ST7L: variants seen among roughly 807,000 people sequenced by gnomAD.
The protein encoded by ST7L is suppressor of tumorigenicity 7 protein-like.
Under a neutral mutation model 72.5 loss-of-function variants are expected in ST7L, and 57 were observed. The ratio of observed to expected loss-of-function variants is 0.79; its 90% CI spans 0.64 to 0.98. The LOEUF is 0.98. Among genes scored for constraint, ST7L ranks in the 50% least tolerant of loss-of-function variants. ST7L has a pLI of 0.00. For synonymous variants in ST7L, 221 were observed against 240.9 expected (o/e 0.92, Z 0.77); for missense variants, 576 against 672.2 (o/e 0.86, Z 1.58).
In ST7L at chr1:112,589,644, A is replaced by T. The variant is rs1376595125; in HGVS notation, c.701+1881T>A. Among the ~76,000 whole-genome samples, 3 of 152,222 alleles carry T rather than the reference A, an allele frequency of 2.0e-5. No individual in the cohort carries two copies. The East Asian group carries it at 5.8e-4, about 29-fold the overall frequency. ...TGTGTGCTATTTTAGCCTCGTGGTC[A>T]GTTGGTGATTTGATAGAGGTTTCCT... is the stretch of plus-strand genomic sequence containing the variant. On this transcript the variant is annotated intron_variant, in intron 6 of 14. Transcript: ENST00000358039.
intron 14 of ST7L, among the ~76,000 whole-genome samples, chr1:112,530,640 C>G (rs1307546006): frequency 2.4e-4 from 36 of 152,136 alleles, no homozygotes; most frequent in Non-Finnish European, 2.9e-5. Flanking sequence ...GTCTCAAACT[C>G]CTGACCTCAG....
chr1:112,616,864 T>G lies in ST7L; in HGVS notation c.237A>C (p.Lys79Asn). The G allele has an allele frequency of 1.2e-6, 2 of 1,606,448 alleles. No homozygotes were observed. The highest frequency in any genetic ancestry group is 1.7e-6 in the Non-Finnish European group (2 of 1,177,742). Residue 79 changes from lysine to asparagine, a missense_variant, in exon 2 of 15, where the codon AAA becomes AAC. This residue lies in a region of ST7L where 511 missense variants were observed against 600.7 expected (regional missense o/e 0.85). Transcript: ENST00000358039. ...VTVFLNSLTP[K>N]FYVALTGTSS... The stretch of plus-strand genomic sequence containing the variant: ...AGGTCCCTGTAAGTGCCACATAGAA[T>G]TTGGGTGTCAATGAATTTAAAAATA...
rs924148389 is a variant in ST7L at position 112,560,107 on chromosome 1, T to A, written c.1246-4089A>T. Among the ~76,000 whole-genome samples the A allele has an allele frequency of 3.3e-5, 5 of 152,196 alleles. No homozygotes were observed. The East Asian group carries it at 7.7e-4, about 24-fold the overall frequency. On this transcript the variant is annotated intron_variant, in intron 11 of 14. Coordinates refer to ENST00000358039, the MANE Select transcript of ST7L (RefSeq NM_017744.5). Reference sequence around the variant, plus strand: ...CAATTTGACTTTAAAACAAAGCAATTTTTCGGGCCAGGCGCAGTGGTTCAC... The same window carrying A: ...CAATTTGACTTTAAAACAAAGCAATATTTCGGGCCAGGCGCAGTGGTTCAC...
Position 112,619,052 on chromosome 1 carries a change from G to T in ST7L, c.62C>A (p.Pro21His). 6.2e-7 allele frequency: 1 copy of T among 1,613,996 alleles called. No homozygotes were observed. The highest frequency in any genetic ancestry group is 8.5e-7 in the Non-Finnish European group (1 of 1,180,004). The change falls in exon 1 of 15, where the codon CCT (proline) becomes CAT (histidine). Residue 21 changes from proline to histidine, a missense_variant. Around this residue, in one of 3 missense-constraint regions of ST7L, gnomAD observed 56 missense variants for 45.8 expected, o/e 1.22. Transcript: ENST00000358039. ...CCAGCCTAGCGTCGGGTTTAGGCCA[G>T]GGACAGATGCAGGAGACGCTCCAAC... ...AAVGASPASV[P>H]GLNPTLGWRE...
chr1:112,550,801 G>C (rs1657990029), intron 12 of ST7L, 108 bp from the exon 13 acceptor site: 1 of 776,572 alleles, frequency 1.3e-6, no homozygotes, highest in South Asian at 1.8e-5. Flanking sequence ...TTTTTTTAGT[G>C]AGACATTTAG....
chr1:112,611,676 A>T (rs1215218024), intron 2 of ST7L, among the ~76,000 whole-genome samples: 1 of 152,192 alleles, frequency 6.6e-6, no homozygotes, highest in Non-Finnish European at 1.5e-5. Flanking sequence ...ACGGTGGTTC[A>T]CGTCTGTAAT....
Position 112,577,032 on chromosome 1 carries a change from A to T in ST7L, c.1199T>A (p.Val400Glu). 3.1e-6 allele frequency: 5 copies of T among 1,611,198 alleles called. No homozygotes were observed. Among genetic ancestry groups the T allele is most frequent in the Non-Finnish European group, 4.2e-6 (5 of 1,178,212 alleles). ...TTCCACAGCTCTATGAATTGCTTCC[A>T]CGGCATTAATTTCTGCTGTGCTTAA... ...RGLSTAEINA[V>E]EAIHRAVEFN... Residue 400 changes from valine to glutamate, a missense_variant, in exon 11 of 15, where the codon GTG becomes GAG. Around this residue, in one of 3 missense-constraint regions of ST7L, gnomAD observed 511 missense variants for 600.7 expected, o/e 0.85. Coordinates refer to ENST00000358039, the MANE Select transcript of ST7L (RefSeq NM_017744.5).
At chr1:112,581,866 C>G (rs149624373) in intron 9 of ST7L, 126 bp downstream of exon 9, 1 of 694,792 alleles carries the variant, frequency 1.4e-6, no homozygotes, top group East Asian at 2.8e-5. Flanking sequence ...AAATAGCAAC[C>G]TCTGAGTGCT....
At chr1:112,601,666 G>A (rs543062921) in intron 3 of ST7L, among the ~76,000 whole-genome samples, 1 of 152,286 alleles carries the variant, frequency 6.6e-6, no homozygotes, top group African/African-American at 2.4e-5. Flanking sequence ...AAAAATGAGA[G>A]TAAGCTTGCA....
At chr1:112,520,614 G>A (rs562781313), downstream of ST7L, 45 of 1,190,790 alleles carry the variant, frequency 3.8e-5, no homozygotes, top group East Asian at 2.6e-4. Context: ...GGCTGCTACC[G>A]CTTCTATTTA....
At chr1:112,584,974 T>C (rs1664663295) in intron 6 of ST7L, among the ~76,000 whole-genome samples, 1 of 152,174 alleles carries the variant, frequency 6.6e-6, no homozygotes, top group Non-Finnish European at 1.5e-5. Context: ...TGCTGTCCCA[T>C]CCACACATGG....
intron 2 of ST7L, among the ~76,000 whole-genome samples, chr1:112,615,666 C>T (rs971388447): frequency 2.0e-5 from 3 of 152,008 alleles, no homozygotes; most frequent in Admixed American, 1.3e-4. Context: ...GCCTGGGCAA[C>T]GTAGTGAGAC....
intron 6 of ST7L, among the ~76,000 whole-genome samples, chr1:112,586,721 C>A (rs941492811): frequency 2.6e-5 from 4 of 151,936 alleles, no homozygotes; most frequent in Non-Finnish European, 4.4e-5. Context: ...TATGTGAATA[C>A]CTAATTAATC....
chr1:112,618,232 A>G, intron 1 of ST7L: 3 of 1,128,120 alleles, frequency 2.7e-6, no homozygotes, highest in South Asian at 4.0e-5. Flanking sequence ...ATCCATCAGG[A>G]TCATCACTTC....
intron 11 of ST7L, among the ~76,000 whole-genome samples, chr1:112,569,969 A>AC (rs1321834055): frequency 5.9e-5 from 9 of 151,490 alleles, no homozygotes; most frequent in African/African-American, 2.2e-4. Flanking sequence ...AAAAAAAAAA[A>AC]AAAAACAAAA....
intron 14 of ST7L, 55 bp downstream of exon 14, chr1:112,541,896 T>A (rs898840493): frequency 3.8e-6 from 6 of 1,596,406 alleles, no homozygotes; most frequent in Non-Finnish European, 4.3e-6. Flanking sequence ...AGATCAGAGA[T>A]GGTTTCTTGT....
intron 13 of ST7L, among the ~76,000 whole-genome samples, chr1:112,546,773 A>G (rs916331005): frequency 7.2e-5 from 11 of 152,092 alleles, no homozygotes; most frequent in Admixed American, 4.6e-4. Context: ...GTTGCTCTCT[A>G]TTACTTATGC....
At chr1:112,568,710 A>C in intron 11 of ST7L, among the ~76,000 whole-genome samples, 1 of 96,836 alleles carries the variant, frequency 1.0e-5, no homozygotes, top group Non-Finnish European at 2.2e-5. Flanking sequence ...AAAAAACAAC[A>C]ACAAAAAAAC....
intron 2 of ST7L, among the ~76,000 whole-genome samples, chr1:112,613,912 C>T (rs927130016): frequency 7.2e-5 from 11 of 152,022 alleles, no homozygotes; most frequent in African/African-American, 2.4e-4. Flanking sequence ...AAATTTTATA[C>T]AGAGACCAGA....
Sources: allele counts gnomAD v4.1 joint callset (sites outside exome capture counted in the v4.1 genomes callset), GRCh38; gene constraint gnomAD v4.1.1; regional missense constraint gnomAD v4.1.1; transcripts MANE v1.5; gene names NCBI Gene and HGNC (gene_info 2026-07-23, HGNC 2026-07-21).